ATM: variants seen among roughly 807,000 people sequenced by gnomAD.
The protein encoded by ATM is serine-protein kinase ATM.
ATM carries 308 observed loss-of-function variants against 387.0 expected under a neutral mutation model. The ratio of observed to expected loss-of-function variants is 0.80; its 90% CI spans 0.73 to 0.87. The LOEUF (loss-of-function observed/expected upper bound fraction) is 0.87, where lower values mean the gene tolerates loss of function less well. ATM is among the 40% of genes least tolerant of loss of function. ATM has a pLI of 0.00. For missense variants in ATM, 3,312 were observed against 3,560.9 expected (o/e 0.93, Z 1.78); for synonymous variants, 1,156 against 1,187.3 (o/e 0.97, Z 0.54).
chr11:108,289,538 AGT>A (rs1196385273), intron 28 of ATM, 62 bp from the exon 29 acceptor site: 11 of 1,183,954 alleles, frequency 9.3e-6, no homozygotes, highest in Non-Finnish European at 1.1e-5. Flanking sequence ...AAAAATATAA[AGT>A]GTATTTATTG....
At position 108,318,485 on chromosome 11, in the gene ATM, T is replaced by G. The variant is rs143592886; in HGVS notation, c.6347+964T>G. ...CAGATGGATCACTTGAGATCAGGAGTTTGAGACCAGCCGGGCCAACATGGT... is the reference window on the plus strand; with the variant it reads ...CAGATGGATCACTTGAGATCAGGAGGTTGAGACCAGCCGGGCCAACATGGT... On this transcript the variant is annotated intron_variant, in intron 43 of 62. Coordinates refer to ENST00000675843, the MANE Select transcript of ATM (RefSeq NM_000051.4). Among the ~76,000 whole-genome samples, 1,245 of 151,910 alleles carry G rather than the reference T, an allele frequency of 8.2e-3. 10 individuals are homozygous for G. Among genetic ancestry groups the G allele is most frequent in the African/African-American group, 0.026 (1,065 of 41,420 alleles).
At position 108,330,439 on chromosome 11, in the gene ATM, C is replaced by A. The variant is rs2136466548; in HGVS notation, c.7515+18C>A. 1 of 1,612,148 alleles carries A rather than the reference C, an allele frequency of 6.2e-7. No individual in the cohort carries two copies. The highest frequency in any genetic ancestry group is 8.5e-7 in the Non-Finnish European group (1 of 1,178,318). On this transcript the variant is annotated intron_variant, in intron 50 of 62. Coordinates refer to ENST00000675843, the MANE Select transcript of ATM (RefSeq NM_000051.4). ...TGATGAAGGCAAGTGTTACTCAGCC[C>A]AATATTCTACCCTGTGCTTGAAAAA...
intron 59 of ATM, among the ~76,000 whole-genome samples, chr11:108,352,612 T>C (rs545121087): frequency 1.6e-4 from 25 of 152,290 alleles, no homozygotes; most frequent in South Asian, 6.2e-4. Flanking sequence ...GTACTACAAA[T>C]GTGTATAGCA....
intron 16 of ATM, among the ~76,000 whole-genome samples, chr11:108,261,514 A>T (rs1383003621): frequency 6.6e-6 from 1 of 152,172 alleles, no homozygotes; most frequent in Non-Finnish European, 1.5e-5. Context: ...AAAAGTAGAT[A>T]AAACCACAAA....
intron 51 of ATM, 159 bp downstream of exon 51, chr11:108,331,716 A>C (rs1391795502): frequency 5.3e-6 from 7 of 1,309,938 alleles, no homozygotes; most frequent in Non-Finnish European, 7.3e-6. Context: ...TTCTCTCTCT[A>C]ATTCCTCATA....
At chr11:108,300,446 T>G (rs1289279326) in intron 34 of ATM, among the ~76,000 whole-genome samples, 3 of 152,198 alleles carry the variant, frequency 2.0e-5, no homozygotes, top group Non-Finnish European at 4.4e-5. Flanking sequence ...ATTTATTTGT[T>G]GATTGATTGA....
intron 16 of ATM, among the ~76,000 whole-genome samples, chr11:108,263,709 A>G (rs1260389134): frequency 4.4e-4 from 65 of 148,330 alleles, no homozygotes; most frequent in African/African-American, 1.6e-3. Flanking sequence ...TTTTGAAAGG[A>G]TCAACAAAAT....
chr11:108,260,202 T>A (rs188680091), intron 16 of ATM, among the ~76,000 whole-genome samples: 1 of 152,098 alleles, frequency 6.6e-6, no homozygotes, highest in Non-Finnish European at 1.5e-5. Context: ...AACCGGCTAA[T>A]TTTTGTATTT....
At chr11:108,361,158 C>G (rs2090698918) in intron 61 of ATM, among the ~76,000 whole-genome samples, 3 of 129,344 alleles carry the variant, frequency 2.3e-5, no homozygotes. Flanking sequence ...CAACAACAGA[C>G]AAACAGAGAG....
At chr11:108,347,035 A>G (rs1213513019) in intron 58 of ATM, among the ~76,000 whole-genome samples, 4 of 152,178 alleles carry the variant, frequency 2.6e-5, no homozygotes, top group African/African-American at 9.6e-5. Context: ...ATGTGTGCCT[A>G]TTAGTAAAGA....
In ATM at chr11:108,358,263, T is replaced by C. The variant is rs1434724281; in HGVS notation, c.8850+3389T>C. On this transcript the variant is annotated intron_variant, in intron 61 of 62. Coordinates refer to ENST00000675843, the MANE Select transcript of ATM (RefSeq NM_000051.4). Reference sequence around the variant, plus strand: ...TCAGAGAAAAAAGAATAAAAAGAAATGAGCAAAGCCTCCAAGAAATATGGG... The same window carrying C: ...TCAGAGAAAAAAGAATAAAAAGAAACGAGCAAAGCCTCCAAGAAATATGGG... Among the ~76,000 whole-genome samples, 1,301 of 148,402 alleles carry C rather than the reference T, an allele frequency of 8.8e-3. 17 individuals carry two copies. The highest frequency in any genetic ancestry group is 0.03 in the African/African-American group (1,217 of 40,114).
At position 108,316,083 on chromosome 11, in the gene ATM, C is replaced by T. The variant is rs1057520449; in HGVS notation, c.6168C>T (p.Pro2056=). Residue 2056 remains proline, a synonymous_variant, in exon 42 of 63, where the codon CCC becomes CCT. Coordinates refer to ENST00000675843, the MANE Select transcript of ATM (RefSeq NM_000051.4). ...LVTYDLETAI[P]SSTRQAGIIQ... is the part of the protein sequence containing the mutation. ...CATATGACCTCGAAACAGCAATCCCCTCATCAACACGCCAGGCAGGAATCA... is the reference window on the plus strand; with the variant it reads ...CATATGACCTCGAAACAGCAATCCCTTCATCAACACGCCAGGCAGGAATCA... The T allele has an allele frequency of 2.5e-6, 4 of 1,614,120 alleles. No individual in the cohort carries two copies. The highest frequency in any genetic ancestry group is 1.7e-6 in the Non-Finnish European group (2 of 1,180,006).
chr11:108,271,061 T>A lies in ATM; in HGVS notation c.2839-3T>A. ...CTGATTTTTTTCCCTCCTACCATCT[T>A]AGTATCTAATGCTTTTAAAGGAGCT... On this transcript the variant is annotated splice_region_variant and splice_polypyrimidine_tract_variant and intron_variant, in intron 18 of 62. Coordinates refer to ENST00000675843, the MANE Select transcript of ATM (RefSeq NM_000051.4). 2 of 1,612,574 alleles carry A rather than the reference T, an allele frequency of 1.2e-6. No individual in the cohort carries two copies. The highest frequency in any genetic ancestry group is 1.7e-6 in the Non-Finnish European group (2 of 1,178,692).
chr11:108,235,034 T>C (rs1395906015), intron 4 of ATM, among the ~76,000 whole-genome samples: 1 of 152,026 alleles, frequency 6.6e-6, no homozygotes, highest in Admixed American at 6.6e-5. Flanking sequence ...ATTATTAAGG[T>C]TATAATTGTT....
At chr11:108,357,775 C>T (rs1203865481) in intron 61 of ATM, among the ~76,000 whole-genome samples, 2 of 152,044 alleles carry the variant, frequency 1.3e-5, no homozygotes, top group African/African-American at 4.8e-5. Context: ...AAAGGATATC[C>T]ACACCAAAAA....
chr11:108,284,265 G>C lies in ATM; in HGVS notation c.3785G>C (p.Arg1262Thr), dbSNP rs786203618. Residue 1262 changes from arginine to threonine, a missense_variant, in exon 26 of 63, where the codon AGA becomes ACA. Coordinates refer to ENST00000675843, the MANE Select transcript of ATM (RefSeq NM_000051.4). ...YKVLIPHLVI[R>T]SHFDEVKSIA... Reference sequence around the variant, plus strand: ...GTTTTGATTCCACATCTGGTGATTAGAAGTCATTTTGATGAGGTGAAGTCC... The same window carrying C: ...GTTTTGATTCCACATCTGGTGATTACAAGTCATTTTGATGAGGTGAAGTCC... 1 of 1,612,598 alleles carries C rather than the reference G, an allele frequency of 6.2e-7. No homozygotes were observed. The highest frequency in any genetic ancestry group is 8.5e-7 in the Non-Finnish European group (1 of 1,178,792).
At chr11:108,329,276 C>A (rs2086010073) in intron 49 of ATM, 38 bp downstream of exon 49, 1 of 1,538,544 alleles carries the variant, frequency 6.5e-7, no homozygotes, top group Non-Finnish European at 9.0e-7. Context: ...TTATGTTCAC[C>A]AGTTAACTGA....
intron 18 of ATM, 53 bp downstream of exon 18, chr11:108,268,662 A>G (rs1212812265): frequency 1.9e-6 from 3 of 1,548,696 alleles, no homozygotes; most frequent in Non-Finnish European, 2.7e-6. Flanking sequence ...GTTGCTGACT[A>G]AATGTAATGA....
intron 3 of ATM, 136 bp from the exon 4 acceptor site, chr11:108,229,042 T>C (rs997382457): frequency 2.8e-5 from 23 of 809,702 alleles, no homozygotes; most frequent in Middle Eastern, 3.7e-4. Context: ...TTGTTTTATT[T>C]GTTTTTTTCA....
Sources: gnomAD v4.1 joint callset for allele counts (sites outside exome capture counted in the v4.1 genomes callset) on GRCh38, gnomAD v4.1.1 for gene constraint, MANE v1.5 for transcripts, NCBI Gene and HGNC (gene_info 2026-07-23, HGNC 2026-07-21) for gene names.